AFG2A: variants seen among roughly 807,000 people sequenced by gnomAD.
The protein encoded by AFG2A is AAA ATPase AFG2A.
At chr4:123,057,168 T>C in the AFG2A span, 5 of 1,603,240 alleles carry the variant, frequency 3.1e-6, no homozygotes, top group Admixed American at 8.4e-5. Flanking sequence ...AATTTTCTAG[T>C]GTTTGCTCAT....
At chr4:123,131,648 A>G in the AFG2A span, among the ~76,000 whole-genome samples, 73 of 152,278 alleles carry the variant, frequency 4.8e-4, no homozygotes, top group Admixed American at 1.3e-4. Context: ...TTTATGTTAT[A>G]TAATGTATCA....
the AFG2A span, among the ~76,000 whole-genome samples, chr4:122,988,735 T>G: frequency 6.6e-6 from 1 of 152,298 alleles, no homozygotes; most frequent in African/African-American, 2.4e-5. Context: ...TTTCTCTGCT[T>G]CTTCTGGGTC....
At chr4:123,164,425 A>G in the AFG2A span, among the ~76,000 whole-genome samples, 24 of 152,118 alleles carry the variant, frequency 1.6e-4, no homozygotes, top group African/African-American at 5.3e-4. Context: ...GTGCAGTGAC[A>G]CGATCTCGGC....
chr4:122,953,928 C>T, the AFG2A span, among the ~76,000 whole-genome samples: 14 of 152,320 alleles, frequency 9.2e-5, no homozygotes, highest in South Asian at 2.9e-3. Context: ...GCACACCATA[C>T]CATTGGTTGA....
the AFG2A span, among the ~76,000 whole-genome samples, chr4:122,981,350 G>A: frequency 2.2e-5 from 1 of 45,530 alleles, no homozygotes; most frequent in African/African-American, 4.2e-5. Context: ...ATTTATTTCT[G>A]GGCTCTCTAT....
the AFG2A span, among the ~76,000 whole-genome samples, chr4:123,059,373 A>G: frequency 7.5e-6 from 1 of 133,300 alleles, no homozygotes; most frequent in Non-Finnish European, 1.5e-5. Context: ...CTCATTGTTC[A>G]ATTCCCACCT....
chr4:123,161,093 C>G, the AFG2A span, among the ~76,000 whole-genome samples: 247 of 152,264 alleles, frequency 1.6e-3, 1 homozygote, highest in Middle Eastern at 0.014. Flanking sequence ...GTATTGTACA[C>G]TCCTTAAGGA....
chr4:123,088,600 C>T, the AFG2A span, among the ~76,000 whole-genome samples: 1 of 152,146 alleles, frequency 6.6e-6, no homozygotes, highest in Non-Finnish European at 1.5e-5. Context: ...GGAGGAGACT[C>T]CTGGTGGGAG....
At chr4:123,216,875 C>G in the AFG2A span, among the ~76,000 whole-genome samples, 9 of 151,932 alleles carry the variant, frequency 5.9e-5, no homozygotes, top group African/African-American at 2.2e-4. Flanking sequence ...CACTTTGTTG[C>G]CCAGACTGGT....
chr4:123,289,459 G>A, the AFG2A span, among the ~76,000 whole-genome samples: 1 of 152,154 alleles, frequency 6.6e-6, no homozygotes, highest in African/African-American at 2.4e-5. Flanking sequence ...ATGGTGAACT[G>A]TACTGTAGTA....
At chr4:122,945,306 G>A in the AFG2A span, among the ~76,000 whole-genome samples, 1 of 152,140 alleles carries the variant, frequency 6.6e-6, no homozygotes, top group Non-Finnish European at 1.5e-5. Flanking sequence ...TCAAGCTTCC[G>A]GGCTGCGGCT....
At chr4:123,193,006 T>C in the AFG2A span, among the ~76,000 whole-genome samples, 1 of 152,242 alleles carries the variant, frequency 6.6e-6, no homozygotes, top group African/African-American at 2.4e-5. Flanking sequence ...TTTATTTATT[T>C]GTATATGTTT....
At chr4:123,024,324 A>C in the AFG2A span, among the ~76,000 whole-genome samples, 2 of 152,126 alleles carry the variant, frequency 1.3e-5, no homozygotes, top group African/African-American at 4.8e-5. Context: ...TCACCAAAGA[A>C]AAAGGAGAAA....
the AFG2A span, among the ~76,000 whole-genome samples, chr4:122,963,258 A>G: frequency 1.3e-5 from 2 of 152,200 alleles, no homozygotes; most frequent in Non-Finnish European, 2.9e-5. Flanking sequence ...TGCATTCAGA[A>G]TGCTAATACA....
chr4:123,029,617 T>C, the AFG2A span, among the ~76,000 whole-genome samples: 3 of 152,264 alleles, frequency 2.0e-5, no homozygotes, highest in African/African-American at 7.2e-5. Flanking sequence ...GAATCACAAC[T>C]ACAGTTTTAA....
At chr4:123,034,935 C>A in the AFG2A span, among the ~76,000 whole-genome samples, 1 of 152,136 alleles carries the variant, frequency 6.6e-6, no homozygotes, top group Non-Finnish European at 1.5e-5. Flanking sequence ...AAAGAAGAGT[C>A]ATGAAGAAGA....
chr4:123,069,332 C>A, the AFG2A span, among the ~76,000 whole-genome samples: 3 of 152,052 alleles, frequency 2.0e-5, no homozygotes, highest in African/African-American at 7.2e-5. Flanking sequence ...TCTTTTTTTG[C>A]GTAAACAAGC....
At chr4:123,001,827 G>T in the AFG2A span, among the ~76,000 whole-genome samples, 3,001 of 151,354 alleles carry the variant, frequency 0.02, 91 homozygotes, top group African/African-American at 0.068. Flanking sequence ...GGTCTGCTTG[G>T]TGCAGAGCTG....
the AFG2A span, among the ~76,000 whole-genome samples, chr4:123,040,812 A>T: frequency 6.6e-6 from 1 of 152,166 alleles, no homozygotes; most frequent in African/African-American, 2.4e-5. Flanking sequence ...TGGTGATTAA[A>T]TTGTAATTAT....
Sources: allele counts gnomAD v4.1 joint callset (sites outside exome capture counted in the v4.1 genomes callset), GRCh38; gene constraint gnomAD v4.1.1; transcripts MANE v1.5; gene names NCBI Gene and HGNC (gene_info 2026-07-23, HGNC 2026-07-21).